Variants in PDE4B observed in about 807,000 individuals in gnomAD.
PDE4B encodes the protein phosphodiesterase 4B.
In PDE4B, 20 loss-of-function variants were observed where a neutral mutation model predicts 82.2. That is an observed-to-expected ratio of 0.24 (90% CI 0.17 to 0.35). The LOEUF is 0.35. PDE4B is among the 10% of genes least tolerant of loss of function. The pLI is 1.00. For synonymous variants in PDE4B, 320 were observed against 318.9 expected, an observed-to-expected ratio of 1.00 and a Z score of -0.04; for missense variants, 655 against 907.2, an observed-to-expected ratio of 0.72 and a Z score of 3.57.
intron 1 of PDE4B, among the ~76,000 whole-genome samples, chr1:65,900,710 G>C (rs575988167): frequency 6.6e-6 from 1 of 151,784 alleles, no homozygotes; most frequent in Non-Finnish European, 1.5e-5. Context: ...TTACATTTTT[G>C]CATGACTATT....
At chr1:65,949,126 C>G (rs763115446) in intron 3 of PDE4B, among the ~76,000 whole-genome samples, 6 of 152,016 alleles carry the variant, frequency 3.9e-5, no homozygotes, top group Non-Finnish European at 7.4e-5. Context: ...CTAGCCTCTG[C>G]TCTTCTCAGA....
intron 3 of PDE4B, among the ~76,000 whole-genome samples, chr1:65,998,365 A>G (rs1351987945): frequency 2.7e-5 from 4 of 150,938 alleles, no homozygotes. Context: ...GCCATTTGCT[A>G]GGGCTTCCAA....
At chr1:65,895,199 T>G (rs1425158536) in intron 1 of PDE4B, among the ~76,000 whole-genome samples, 1 of 152,150 alleles carries the variant, frequency 6.6e-6, no homozygotes, top group African/African-American at 2.4e-5. Context: ...CTGTATACAT[T>G]ACTCAGCTTA....
At chr1:66,134,043 GAA>G (rs3036787) in intron 3 of PDE4B, among the ~76,000 whole-genome samples, 99,313 of 148,554 alleles carry the variant, frequency 0.67, 33,346 homozygotes, top group Middle Eastern at 0.7. Context: ...CACAAAACTG[GAA>G]AAAAAAAAAA....
intron 1 of PDE4B, among the ~76,000 whole-genome samples, chr1:65,895,750 T>C (rs1646902587): frequency 6.6e-6 from 1 of 151,254 alleles, no homozygotes; most frequent in African/African-American, 2.4e-5. Flanking sequence ...AATTTCCCAT[T>C]AGGCATTAAA....
At chr1:66,127,497 A>C (rs1329377077) in intron 3 of PDE4B, among the ~76,000 whole-genome samples, 1 of 152,222 alleles carries the variant, frequency 6.6e-6, no homozygotes, top group Non-Finnish European at 1.5e-5. Context: ...TAACATCTTT[A>C]TTCTAGTACT....
At chr1:65,970,358 C>T (rs1393337296) in intron 3 of PDE4B, among the ~76,000 whole-genome samples, 1 of 152,000 alleles carries the variant, frequency 6.6e-6, no homozygotes, top group Non-Finnish European at 1.5e-5. Flanking sequence ...AGACTACCTT[C>T]TTTCCTATGG....
At chr1:66,020,110 G>A (rs867507360) in intron 3 of PDE4B, among the ~76,000 whole-genome samples, 2 of 152,168 alleles carry the variant, frequency 1.3e-5, no homozygotes, top group South Asian at 2.1e-4. Flanking sequence ...TTACTGTTGA[G>A]GAAAGTAGAC....
intron 3 of PDE4B, among the ~76,000 whole-genome samples, chr1:65,929,102 C>T (rs1647682430): frequency 6.6e-6 from 1 of 152,102 alleles, no homozygotes; most frequent in South Asian, 2.1e-4. Flanking sequence ...CTTCTAGGGG[C>T]CCGCCGGGAC....
intron 8 of PDE4B, among the ~76,000 whole-genome samples, chr1:66,342,782 G>T (rs914067236): frequency 6.6e-6 from 1 of 151,322 alleles, no homozygotes; most frequent in Non-Finnish European, 1.5e-5. Context: ...AGTGGCTCAC[G>T]CCTGTAATCC....
At chr1:66,325,768 A>G (rs1659708068) in intron 7 of PDE4B, among the ~76,000 whole-genome samples, 1 of 152,218 alleles carries the variant, frequency 6.6e-6, no homozygotes, top group Non-Finnish European at 1.5e-5. Context: ...ATGTCAATAT[A>G]TCATCAGGAA....
At chr1:65,888,130 G>A (rs950978740) in intron 1 of PDE4B, among the ~76,000 whole-genome samples, 3 of 152,142 alleles carry the variant, frequency 2.0e-5, no homozygotes, top group South Asian at 4.2e-4. Context: ...TTTGTATTTG[G>A]TGAGAGTTAG....
intron 3 of PDE4B, among the ~76,000 whole-genome samples, chr1:66,200,349 G>A (rs1648786028): frequency 6.6e-6 from 1 of 152,144 alleles, no homozygotes; most frequent in South Asian, 2.1e-4. Flanking sequence ...GGTTCCATAT[G>A]AACTTTACAG....
At chr1:65,963,981 G>T (rs1649676451) in intron 3 of PDE4B, among the ~76,000 whole-genome samples, 1 of 152,110 alleles carries the variant, frequency 6.6e-6, no homozygotes, top group African/African-American at 2.4e-5. Context: ...ATTATCAGAA[G>T]AATTTGGTTT....
chr1:66,290,614 T>C (rs1361354089), intron 7 of PDE4B, among the ~76,000 whole-genome samples: 3 of 152,196 alleles, frequency 2.0e-5, no homozygotes, highest in Non-Finnish European at 4.4e-5. Context: ...TGCAAATGGA[T>C]TTTCCACAGC....
chr1:66,030,052 T>TTA (rs200216095), intron 3 of PDE4B, among the ~76,000 whole-genome samples: 18 of 149,026 alleles, frequency 1.2e-4, no homozygotes, highest in East Asian at 5.8e-4. Flanking sequence ...TTTTTTTTTT[T>TTA]ATCATGAAGG....
At chr1:66,351,041 G>T (rs1557719739) in intron 8 of PDE4B, among the ~76,000 whole-genome samples, 1 of 152,140 alleles carries the variant, frequency 6.6e-6, no homozygotes, top group African/African-American at 2.4e-5. Flanking sequence ...CACATATCTA[G>T]AAAATATACC....
At chr1:66,284,666 T>C (rs887087431) in intron 7 of PDE4B, among the ~76,000 whole-genome samples, 18 of 152,068 alleles carry the variant, frequency 1.2e-4, no homozygotes, top group African/African-American at 3.4e-4. Context: ...AGACCCCATC[T>C]CAAAAAAATA....
intron 3 of PDE4B, among the ~76,000 whole-genome samples, chr1:66,012,277 A>T (rs935386227): frequency 1.3e-5 from 2 of 152,124 alleles, no homozygotes; most frequent in Non-Finnish European, 2.9e-5. Context: ...CACTTTTAAC[A>T]TGTTCTCAAA....
Sources: gnomAD v4.1 joint callset for allele counts (sites outside exome capture counted in the v4.1 genomes callset) on GRCh38, gnomAD v4.1.1 for gene constraint, MANE v1.5 for transcripts, NCBI Gene and HGNC (gene_info 2026-07-23, HGNC 2026-07-21) for gene names.